PRKCH: variants seen among roughly 807,000 people sequenced by gnomAD.
PRKCH encodes the protein protein kinase C eta, also known as protein kinase C eta type.
PRKCH carries 28 observed loss-of-function variants against 82.5 expected under a neutral mutation model. The observed-to-expected ratio is 0.34, with a 90% CI of 0.25 to 0.47. The LOEUF (loss-of-function observed/expected upper bound fraction) is 0.47. PRKCH is among the 20% of genes least tolerant of loss of function. PRKCH has a pLI of 1.00. For missense variants in PRKCH, 705 were observed against 881.8 expected (o/e 0.80, Z 2.54); for synonymous variants, 322 against 327.4 (o/e 0.98, Z 0.18).
intron 7 of PRKCH, 76 bp downstream of exon 7, chr14:61,453,429 G>A: frequency 6.7e-7 from 1 of 1,503,204 alleles, no homozygotes; most frequent in Non-Finnish European, 9.0e-7. Flanking sequence ...GAGAGCATGT[G>A]GCCTCATCAA....
intron 1 of PRKCH, among the ~76,000 whole-genome samples, chr14:61,345,911 G>T (rs760264143): frequency 6.6e-6 from 1 of 151,788 alleles, no homozygotes; most frequent in African/African-American, 2.4e-5. Flanking sequence ...TAGAGTTTGA[G>T]CACCTGCATG....
rs1396240085 is a variant in PRKCH at position 61,281,232 on chromosome 14, G to A, written c.-19+93564G>A. On this transcript the variant is annotated intron_variant, in intron 1 of 3. Transcript: ENST00000555185. ...CTCCCTCTCCGCGCCGCGCAAGCCC[G>A]GGGACTGCTCGCGGGTCGGGTTTCC... 4.7e-6 allele frequency: 4 copies of A among 857,228 alleles called. No individual in the cohort carries two copies. In the African/African-American group the frequency reaches 5.4e-5, roughly 12 times the overall value. 53.1% of individuals were successfully genotyped at this position (857,228 alleles called of 1,614,324 possible). A position where few individuals can be genotyped will look rare whatever the true frequency, so the allele number is the denominator to read the frequency against.
intron 1 of PRKCH, among the ~76,000 whole-genome samples, chr14:61,302,820 C>G (rs889370313): frequency 6.6e-6 from 1 of 151,996 alleles, no homozygotes; most frequent in Non-Finnish European, 1.5e-5. Context: ...GTAACTAGTC[C>G]ATGTGCACTT....
At chr14:61,489,838 C>T (rs1429519021) in intron 10 of PRKCH, among the ~76,000 whole-genome samples, 3 of 152,218 alleles carry the variant, frequency 2.0e-5, no homozygotes, top group African/African-American at 7.2e-5. Context: ...AGACATCTTT[C>T]AGCATGTTTC....
At chr14:61,209,330 A>T (rs1226539261) in intron 1 of PRKCH, among the ~76,000 whole-genome samples, 2 of 140,224 alleles carry the variant, frequency 1.4e-5, no homozygotes. Context: ...AAAAAAAAAA[A>T]AAAAGCTACT....
At position 61,354,796 on chromosome 14, in the gene PRKCH, A is replaced by T. The variant is rs573988459; in HGVS notation, c.363+32332A>T. Among the ~76,000 whole-genome samples the T allele has an allele frequency of 1.2e-4, 18 of 152,322 alleles. No individual in the cohort carries two copies. The East Asian group carries it at 3.3e-3, about 28-fold the overall frequency. ...TCATTTAGTCACAGTTATATTGTGT[A>T]CATCTCAGAATAACTAAGATTACTT... On this transcript the variant is annotated intron_variant, in intron 1 of 13. Transcript: ENST00000332981.
chr14:61,225,148 G>A (rs758771811), intron 1 of PRKCH, among the ~76,000 whole-genome samples: 1 of 152,312 alleles, frequency 6.6e-6, no homozygotes, highest in South Asian at 2.1e-4. Flanking sequence ...CTTTGTGTTG[G>A]AATTTGTTTT....
chr14:61,392,303 G>A (rs1282915938), intron 2 of PRKCH, among the ~76,000 whole-genome samples: 2 of 152,142 alleles, frequency 1.3e-5, no homozygotes, highest in South Asian at 4.1e-4. Flanking sequence ...GGGTAATAAA[G>A]TAGGTGTGTG....
chr14:61,376,019 A>G (rs961319844), intron 1 of PRKCH, among the ~76,000 whole-genome samples: 2 of 138,942 alleles, frequency 1.4e-5, no homozygotes, highest in Admixed American at 7.1e-5. Flanking sequence ...TTCTGTCTCA[A>G]AAAAAAAAAA....
chr14:61,227,517 C>CT (rs2044706571), intron 1 of PRKCH, among the ~76,000 whole-genome samples: 1 of 152,176 alleles, frequency 6.6e-6, no homozygotes, highest in Non-Finnish European at 1.5e-5. Context: ...TGGCCTGAAC[C>CT]TGGGAGGCAG....
intron 1 of PRKCH, among the ~76,000 whole-genome samples, chr14:61,224,452 T>C (rs1354538273): frequency 1.3e-5 from 2 of 152,232 alleles, no homozygotes; most frequent in African/African-American, 2.4e-5. Context: ...TCTGAGATCA[T>C]GCATTGGTTG....
At chr14:61,217,098 G>C (rs1488937053) in intron 1 of PRKCH, among the ~76,000 whole-genome samples, 1 of 152,160 alleles carries the variant, frequency 6.6e-6, no homozygotes, top group African/African-American at 2.4e-5. Flanking sequence ...AAAAGAGAGA[G>C]CGAGAGACAG....
chr14:61,523,398 A>T (rs10143172), intron 10 of PRKCH, among the ~76,000 whole-genome samples: 7,842 of 152,248 alleles, frequency 0.052, 612 homozygotes, highest in African/African-American at 0.18. Flanking sequence ...TTTGGGAAAC[A>T]ATCTATCCGG....
chr14:61,538,843 G>A (rs76885636), intron 12 of PRKCH, among the ~76,000 whole-genome samples: 6,126 of 152,270 alleles, frequency 0.04, 234 homozygotes, highest in East Asian at 0.12. Flanking sequence ...AAGATAATGC[G>A]CATCCAGGAT....
intron 9 of PRKCH, 73 bp from the exon 10 acceptor site, chr14:61,485,429 G>T: frequency 6.5e-7 from 1 of 1,539,304 alleles, no homozygotes; most frequent in South Asian, 1.2e-5. Context: ...CACAGCCTTA[G>T]GCAATATGCT....
At chr14:61,420,007 G>C (rs143470608) in intron 2 of PRKCH, among the ~76,000 whole-genome samples, 41 of 152,260 alleles carry the variant, frequency 2.7e-4, no homozygotes, top group African/African-American at 9.4e-4. Context: ...AAAATACTCA[G>C]CTTCTGTGGG....
At chr14:61,296,886 T>G (rs2045410737) in intron 1 of PRKCH, among the ~76,000 whole-genome samples, 2 of 152,204 alleles carry the variant, frequency 1.3e-5, no homozygotes, top group African/African-American at 4.8e-5. Context: ...TTGTCATGAA[T>G]TATTTTAATT....
chr14:61,288,523 G>A (rs892929371), intron 1 of PRKCH, among the ~76,000 whole-genome samples: 3 of 152,190 alleles, frequency 2.0e-5, no homozygotes, highest in Non-Finnish European at 4.4e-5. Context: ...TCAATCTGGA[G>A]ATCGTATACC....
At chr14:61,536,962 G>A (rs1358040821) in intron 12 of PRKCH, among the ~76,000 whole-genome samples, 1 of 152,224 alleles carries the variant, frequency 6.6e-6, no homozygotes, top group Non-Finnish European at 1.5e-5. Flanking sequence ...GGACTTGCTT[G>A]TGAGAACTTT....
Sources: allele counts gnomAD v4.1 joint callset (sites outside exome capture counted in the v4.1 genomes callset), GRCh38; gene constraint gnomAD v4.1.1; transcripts MANE v1.5; gene names NCBI Gene and HGNC (gene_info 2026-07-23, HGNC 2026-07-21).